KITLG: variants seen among roughly 807,000 people sequenced by gnomAD.
KITLG encodes the protein KIT ligand.
A neutral mutation model predicts 34.1 loss-of-function variants in KITLG; 13 were observed. The observed-to-expected ratio is 0.38, with a 90% CI of 0.25 to 0.61. The LOEUF (loss-of-function observed/expected upper bound fraction) is 0.61. Ranked by LOEUF, KITLG falls within the 20% of genes least tolerant of loss-of-function variation. The pLI is 0.60. For synonymous variants in KITLG, 110 were observed against 104.0 expected, an observed-to-expected ratio of 1.06 and a Z score of -0.35; for missense variants, 292 against 318.9, an observed-to-expected ratio of 0.92 and a Z score of 0.64.
chr12:88,501,078 C>T (rs1355912165), intron 9 of KITLG, among the ~76,000 whole-genome samples: 1 of 152,170 alleles, frequency 6.6e-6, no homozygotes, highest in Non-Finnish European at 1.5e-5. Context: ...CCACTCCTGG[C>T]CTATTTATTC....
At chr12:88,580,159 C>T in intron 1 of KITLG, 105 bp downstream of exon 1, 1 of 1,216,218 alleles carries the variant, frequency 8.2e-7, no homozygotes, top group Non-Finnish European at 1.2e-6. Context: ...GCAGGCACAG[C>T]CCTGCACGCC....
At chr12:88,497,483 T>A (rs1303027718) in intron 9 of KITLG, among the ~76,000 whole-genome samples, 1 of 152,188 alleles carries the variant, frequency 6.6e-6, no homozygotes, top group Non-Finnish European at 1.5e-5. Flanking sequence ...TTTACTGCTG[T>A]ACCTCCACTC....
chr12:88,505,821 A>G (rs1869036417), intron 8 of KITLG, among the ~76,000 whole-genome samples: 1 of 152,196 alleles, frequency 6.6e-6, no homozygotes, highest in Non-Finnish European at 1.5e-5. Flanking sequence ...GAAGAGTGTG[A>G]CTAAAGGTTG....
At chr12:88,567,479 G>A (rs1211948458) in intron 1 of KITLG, among the ~76,000 whole-genome samples, 1 of 152,134 alleles carries the variant, frequency 6.6e-6, no homozygotes, top group East Asian at 1.9e-4. Context: ...CTGAAGTAAT[G>A]GACTGATAAA....
chr12:88,523,300 T>C, intron 3 of KITLG, among the ~76,000 whole-genome samples: 1 of 152,022 alleles, frequency 6.6e-6, no homozygotes, highest in East Asian at 1.9e-4. Context: ...AGGCTTAGAG[T>C]AGTGAAGTGT....
At position 88,524,267 on chromosome 12, in the gene KITLG, C is replaced by A. The variant is rs562567510; in HGVS notation, c.193-5400G>T. On this transcript the variant is annotated intron_variant, in intron 3 of 9. Transcript: ENST00000644744. ...TTTTCATTTTACTTAATTATAATTT[C>A]TTTAAATTGAAAAGTCAATAATATC... 2.1e-3 allele frequency among the ~76,000 whole-genome samples: 324 copies of A among 152,210 alleles called. 3 individuals carry two copies. Among genetic ancestry groups the A allele is most frequent in the African/African-American group, 7.4e-3 (309 of 41,540 alleles).
intron 1 of KITLG, among the ~76,000 whole-genome samples, chr12:88,560,224 A>T (rs1349634281): frequency 2.6e-5 from 4 of 152,202 alleles, no homozygotes; most frequent in African/African-American, 9.7e-5. Context: ...TCTAATTATT[A>T]TTTTGTTAAT....
At chr12:88,497,452 G>T (rs562007278) in intron 9 of KITLG, among the ~76,000 whole-genome samples, 2 of 152,128 alleles carry the variant, frequency 1.3e-5, no homozygotes, top group African/African-American at 4.8e-5. Context: ...CTCCATGAGG[G>T]CAGGGAGCTT....
At chr12:88,555,203 C>T (rs1871056617) in intron 1 of KITLG, among the ~76,000 whole-genome samples, 1 of 152,108 alleles carries the variant, frequency 6.6e-6, no homozygotes, top group South Asian at 2.1e-4. Context: ...TGGGGAAATT[C>T]ACCCTTTAAT....
At chr12:88,539,543 G>T in intron 2 of KITLG, among the ~76,000 whole-genome samples, 1 of 151,754 alleles carries the variant, frequency 6.6e-6, no homozygotes. Flanking sequence ...CACTAATATT[G>T]ACTAAAAATC....
chr12:88,533,004 T>C (rs1009738836), intron 2 of KITLG, among the ~76,000 whole-genome samples: 1 of 152,182 alleles, frequency 6.6e-6, no homozygotes, highest in Non-Finnish European at 1.5e-5. Flanking sequence ...GTGATTCCGA[T>C]GTGCACCCAA....
intron 3 of KITLG, among the ~76,000 whole-genome samples, chr12:88,525,755 T>C (rs950274110): frequency 6.6e-6 from 1 of 152,070 alleles, no homozygotes; most frequent in Admixed American, 6.5e-5. Flanking sequence ...AACTAAAAGA[T>C]AGGGTCCACA....
rs144039525 is a variant in KITLG, at chr12:88,506,365, C to G, written c.728G>C (p.Ser243Thr). ...TATATTTTCAACTGCCCTTGTAAGA[C>G]TTGGCTGTCTCTTCTGGAAAAAGAA... ...GALYWKKRQP[S>T]LTRAVENIQI... Residue 243 changes from serine to threonine, a missense_variant, in exon 8 of 10, where the codon AGT (serine) becomes ACT (threonine). By Grantham distance (58) the Ser-to-Thr change is moderately conservative. Around this residue, in one of 2 missense-constraint regions of KITLG, gnomAD observed 140 missense variants for 111.0 expected, o/e 1.26. Coordinates refer to ENST00000644744, the MANE Select transcript of KITLG (RefSeq NM_000899.5). 1 of 1,605,448 alleles carries G rather than the reference C, an allele frequency of 6.2e-7. No individual in the cohort carries two copies. Among genetic ancestry groups the G allele is most frequent in the Non-Finnish European group, 8.5e-7 (1 of 1,172,272 alleles).
intron 1 of KITLG, among the ~76,000 whole-genome samples, chr12:88,566,946 C>G (rs1871461927): frequency 6.6e-6 from 1 of 152,134 alleles, no homozygotes; most frequent in African/African-American, 2.4e-5. Context: ...ACATGGATCT[C>G]CTGCGCTGTC....
At chr12:88,576,308 A>G (rs1002379800) in intron 1 of KITLG, among the ~76,000 whole-genome samples, 1 of 152,198 alleles carries the variant, frequency 6.6e-6, no homozygotes, top group Non-Finnish European at 1.5e-5. Context: ...ATAAACAGAT[A>G]TTAGCCTATC....
chr12:88,542,459 A>T (rs1160808074), intron 2 of KITLG, among the ~76,000 whole-genome samples: 1 of 152,136 alleles, frequency 6.6e-6, no homozygotes, highest in East Asian at 1.9e-4. Context: ...GCTGGTATTA[A>T]AAAAACCTAG....
chr12:88,552,356 T>G (rs758284200), intron 1 of KITLG, among the ~76,000 whole-genome samples: 1 of 151,202 alleles, frequency 6.6e-6, no homozygotes, highest in Non-Finnish European at 1.5e-5. Flanking sequence ...TTTTCTTTTT[T>G]TTTTTGTATT....
At chr12:88,548,785 T>C (rs1476023383) in intron 1 of KITLG, among the ~76,000 whole-genome samples, 2 of 152,196 alleles carry the variant, frequency 1.3e-5, no homozygotes, top group African/African-American at 4.8e-5. Context: ...TCAGCTGAAT[T>C]CCCTTGGAGG....
At chr12:88,503,929 T>C (rs1868955405) in intron 9 of KITLG, among the ~76,000 whole-genome samples, 1 of 152,182 alleles carries the variant, frequency 6.6e-6, no homozygotes, top group African/African-American at 2.4e-5. Context: ...CATTCTGGTT[T>C]TCTCTTGTTT....
Sources: gnomAD v4.1 joint callset for allele counts (sites outside exome capture counted in the v4.1 genomes callset) on GRCh38, gnomAD v4.1.1 for gene constraint, gnomAD v4.1.1 regional missense constraint, MANE v1.5 for transcripts, NCBI Gene and HGNC (gene_info 2026-07-23, HGNC 2026-07-21) for gene names.